The following ENG variants were observed in gnomAD, a reference collection of about 807,000 sequenced individuals.
ENG encodes CD105 antigen.
Under a neutral mutation model 71.0 loss-of-function variants are expected in ENG, and 17 were observed. That is an observed-to-expected ratio of 0.24 (90% CI 0.16 to 0.36). The LOEUF is 0.36. ENG is among the 10% of genes least tolerant of loss of function. ENG has a pLI of 1.00. For synonymous variants in ENG, 360 were observed against 366.9 expected (o/e 0.98, Z 0.21); for missense variants, 749 against 868.3 (o/e 0.86, Z 1.73).
At position 127,838,429 on chromosome 9, in the gene ENG, G is replaced by T. The variant is rs1830953553; in HGVS notation, c.219+4665C>A. On this transcript the variant is annotated intron_variant, in intron 2 of 14. Transcript: ENST00000373203. This position sits in a 1 kb window ranked among gnomAD's most constrained non-coding sequence, Gnocchi z 4.3. ...TCTGAGGGCTGTACTGCCTTCCATG[G>T]CCTCCCACTGCCTCCCAGGACAGTC... Among the ~76,000 whole-genome samples the T allele has an allele frequency of 6.6e-6, 1 of 151,986 alleles. No individual in the cohort carries two copies. Among genetic ancestry groups the T allele is most frequent in the South Asian group, 2.1e-4 (1 of 4,824 alleles).
At chr9:127,851,532 C>T (rs563738322) in intron 1 of ENG, among the ~76,000 whole-genome samples, 60 of 152,012 alleles carry the variant, frequency 3.9e-4, no homozygotes, top group African/African-American at 1.3e-3. Flanking sequence ...CCTGCTTGTC[C>T]CTAAAACAAA....
rs1831163982 is a variant in ENG, at chr9:127,846,163, T to A, written c.68-2918A>T. 6.6e-6 allele frequency among the ~76,000 whole-genome samples: 1 copy of A among 152,142 alleles called. No individual in the cohort carries two copies. The highest frequency in any genetic ancestry group is 1.5e-5 in the Non-Finnish European group (1 of 68,012). On this transcript the variant is annotated intron_variant, in intron 1 of 14. Coordinates refer to ENST00000373203, the MANE Select transcript of ENG (RefSeq NM_001114753.3). This position sits in a 1 kb window ranked among gnomAD's most constrained non-coding sequence, Gnocchi z 5.5. ...GATGGAGAGGTCACTGGGATCTCCC[T>A]CACCCCAACAAAATCAAGGGCTGGT... is the stretch of plus-strand genomic sequence containing the variant.
intron 1 of ENG, among the ~76,000 whole-genome samples, chr9:127,851,740 G>A (rs571541779): frequency 7.0e-4 from 106 of 152,114 alleles, no homozygotes; most frequent in South Asian, 1.5e-3. Flanking sequence ...TTAGGCGGGT[G>A]TGGGGCCGGC....
chr9:127,843,736 CATATAT>C lies in ENG; in HGVS notation c.68-497_68-492del, dbSNP rs1554812401. On this transcript the variant is annotated intron_variant, in intron 1 of 14. Transcript: ENST00000373203. ...ATATATACACCCACACATCCACATA[CATATAT>C]ATATATATATATATTTTTTTTTTTT... Among the ~76,000 whole-genome samples, 5 of 89,534 alleles carry C rather than the reference CATATAT, an allele frequency of 5.6e-5. No individual in the cohort carries two copies. In the South Asian group the frequency reaches 1.9e-3, roughly 34 times the overall value. 58.7% of individuals were successfully genotyped at this position (89,534 alleles called of 152,430 possible). A position where few individuals can be genotyped will look rare whatever the true frequency, so the allele number is the denominator to read the frequency against.
chr9:127,828,732 T>C (rs1404083746), intron 3 of ENG, among the ~76,000 whole-genome samples: 2 of 152,154 alleles, frequency 1.3e-5, no homozygotes, highest in Non-Finnish European at 2.9e-5. Context: ...GGCTTGGTCA[T>C]GTCTGACTGT....
At chr9:127,841,286 C>T (rs1483608145) in intron 2 of ENG, 2 of 152,190 alleles carry the variant, frequency 1.3e-5, no homozygotes, top group East Asian at 1.9e-4. Flanking sequence ...TGCACCAGTC[C>T]CCTGGATCCT....
At chr9:127,853,748 T>C (rs527534527) in intron 1 of ENG, among the ~76,000 whole-genome samples, 3 of 152,214 alleles carry the variant, frequency 2.0e-5, no homozygotes, top group African/African-American at 7.2e-5. Flanking sequence ...GCCAGAGCCC[T>C]CTCTGCAATG....
chr9:127,853,535 C>A (rs2131935331), intron 1 of ENG, among the ~76,000 whole-genome samples: 1 of 152,254 alleles, frequency 6.6e-6, no homozygotes, highest in Middle Eastern at 3.4e-3. Flanking sequence ...AGCCCCCAGG[C>A]CAAGGAGCCC....
In ENG at chr9:127,854,302, G is replaced by A. The variant is rs902127425; in HGVS notation, c.54C>T (p.Ser18=). ...LAVALLLASC[S]LSPTSLAETV... ...CTGGACACCTACTTGTGGGGCTGAG[G>A]CTGCAGCTGGCCAGCAGCAGGGCAA... The change falls in exon 1 of 15, where the codon AGC becomes AGT. Residue 18 remains serine, a synonymous_variant. Coordinates refer to ENST00000373203, the MANE Select transcript of ENG (RefSeq NM_001114753.3). The A allele has an allele frequency of 6.3e-7, 1 of 1,591,672 alleles. No individual in the cohort carries two copies. The highest frequency in any genetic ancestry group is 8.5e-7 in the Non-Finnish European group (1 of 1,169,796).
intron 2 of ENG, among the ~76,000 whole-genome samples, 154 bp from the exon 3 acceptor site, chr9:127,829,981 C>T (rs1830724095): frequency 6.6e-6 from 1 of 152,092 alleles, no homozygotes; most frequent in Non-Finnish European, 1.5e-5. Context: ...GTGCCTGTCC[C>T]TCTGGCCATC....
intron 3 of ENG, chr9:127,826,930 C>T (rs1011224126): frequency 1.4e-5 from 7 of 512,402 alleles, no homozygotes; most frequent in Non-Finnish European, 2.1e-5. Context: ...TCACCCACCC[C>T]TCCAGAGCTG....
rs529083953 is a variant in ENG at position 127,843,045 on chromosome 9, C to T, written c.219+49G>A. 3.1e-6 allele frequency: 5 copies of T among 1,612,806 alleles called. No individual in the cohort carries two copies. In the South Asian group the frequency reaches 5.5e-5, roughly 18 times the overall value. The stretch of plus-strand genomic sequence containing the variant: ...GGAAGGCACCCCTCACCCCATCTGC[C>T]TTGGAGCTTCCTCTGAGCCCCCACC... On this transcript the variant is annotated intron_variant, in intron 2 of 14. Transcript: ENST00000373203.
intron 3 of ENG, among the ~76,000 whole-genome samples, chr9:127,828,598 G>A (rs1008546621): frequency 1.3e-4 from 20 of 152,172 alleles, no homozygotes; most frequent in Non-Finnish European, 2.1e-4. Context: ...CATGGTAAAG[G>A]CCACGCCCCC....
rs566713584 is a variant in ENG at position 127,822,873 on chromosome 9, C to T, written c.1134+1431G>A. Among the ~76,000 whole-genome samples, 41 of 152,364 alleles carry T rather than the reference C, an allele frequency of 2.7e-4. No homozygotes were observed. In the South Asian group the frequency reaches 8.3e-3, roughly 31 times the overall value. Reference sequence around the variant, plus strand: ...TTTGTTTGTTTGAAATGGAGTCTCGCTCTGTCGCCCAGGCTGGAGTGCAGT... The same window carrying T: ...TTTGTTTGTTTGAAATGGAGTCTCGTTCTGTCGCCCAGGCTGGAGTGCAGT... On this transcript the variant is annotated intron_variant, in intron 8 of 14. Transcript: ENST00000373203.
rs572222679 is a variant in ENG, at chr9:127,846,127, C to T, written c.68-2882G>A. 5.4e-4 allele frequency among the ~76,000 whole-genome samples: 82 copies of T among 152,234 alleles called. No individual in the cohort carries two copies. Among genetic ancestry groups the T allele is most frequent in the Non-Finnish European group, 9.3e-4 (63 of 67,986 alleles). On this transcript the variant is annotated intron_variant, in intron 1 of 14. Transcript: ENST00000373203. The surrounding 1 kb of genome is among the most constrained non-coding windows in gnomAD (Gnocchi z 5.5). ...GCGGGATGGGGTGGCCTCCAGGTGACGGTCCTCTGGGATGGAGAGGTCACT... is the reference window on the plus strand; with the variant it reads ...GCGGGATGGGGTGGCCTCCAGGTGATGGTCCTCTGGGATGGAGAGGTCACT...
At chr9:127,819,440 G>A in intron 10 of ENG, 182 bp downstream of exon 10, 1 of 754,048 alleles carries the variant, frequency 1.3e-6, no homozygotes, top group Non-Finnish European at 2.2e-6. Context: ...TGACTTGAGA[G>A]ACCAAGAGCG....
In ENG at chr9:127,854,427, G is replaced by A; in HGVS notation, c.-72C>T. 6.7e-7 allele frequency: 1 copy of A among 1,489,524 alleles called. No individual in the cohort carries two copies. Among genetic ancestry groups the A allele is most frequent in the Non-Finnish European group, 9.1e-7 (1 of 1,101,250 alleles). The allele number at this position is 1,489,524 out of a possible 1,614,324, so 92.3% of individuals were successfully genotyped here. A position where few individuals can be genotyped will look rare whatever the true frequency, so the allele number is the denominator to read the frequency against. ...TGGCAGGGCTGCGGGCGGGCACCGG[G>A]GCCGGCGTGGGCTCGCACGGGGACC... On this transcript the variant is annotated 5_prime_UTR_variant, in exon 1 of 15. Transcript: ENST00000373203.
At chr9:127,829,214 G>A (rs1668804339) in intron 3 of ENG, among the ~76,000 whole-genome samples, 1 of 152,174 alleles carries the variant, frequency 6.6e-6, no homozygotes, top group South Asian at 2.1e-4. Context: ...ACTCAACAAA[G>A]TGTGAAGAAC....
rs1330120058 is a variant in ENG at position 127,819,000 on chromosome 9, C to G, written c.1312-168G>C. The stretch of plus-strand genomic sequence containing the variant: ...TCGCCCAGGCTGGAGTGCAGTGGTG[C>G]GATCTCAGCTCACTGCAAGCTCCGC... On this transcript the variant is annotated intron_variant, in intron 10 of 14. Coordinates refer to ENST00000373203, the MANE Select transcript of ENG (RefSeq NM_001114753.3). 2.0e-5 allele frequency among the ~76,000 whole-genome samples: 3 copies of G among 150,302 alleles called. No homozygotes were observed. In the East Asian group the frequency reaches 5.9e-4, roughly 29 times the overall value.
Sources: gnomAD v4.1 joint callset for allele counts (sites outside exome capture counted in the v4.1 genomes callset) on GRCh38, gnomAD v4.1.1 for gene constraint, Gnocchi (gnomAD v3.1) non-coding constraint, MANE v1.5 for transcripts, NCBI Gene and HGNC (gene_info 2026-07-23, HGNC 2026-07-21) for gene names.